ADAMTSL3: variants seen among roughly 807,000 people sequenced by gnomAD.
The protein encoded by ADAMTSL3 is ADAMTS like 3.
In ADAMTSL3, 128 loss-of-function variants were observed where a neutral mutation model predicts 201.7. The ratio of observed to expected loss-of-function variants is 0.63; its 90% CI spans 0.55 to 0.73. The LOEUF (loss-of-function observed/expected upper bound fraction) is 0.73, where lower values mean the gene tolerates loss of function less well. Ranked by LOEUF, ADAMTSL3 falls within the 30% of genes least tolerant of loss-of-function variation. The pLI, the probability that ADAMTSL3 is intolerant of heterozygous loss-of-function variation, is 0.00. For missense variants in ADAMTSL3, 1,990 were observed against 2,119.6 expected, an observed-to-expected ratio of 0.94 and a Z score of 1.20; for synonymous variants, 738 against 748.4, an observed-to-expected ratio of 0.99 and a Z score of 0.23.
At chr15:83,754,568 C>G (rs2062688697) in intron 3 of ADAMTSL3, among the ~76,000 whole-genome samples, 6 of 152,070 alleles carry the variant, frequency 3.9e-5, no homozygotes, top group Admixed American at 3.3e-4. Context: ...TACAAAGCAC[C>G]CTACATCCTA....
intron 14 of ADAMTSL3, 29 bp downstream of exon 14, chr15:83,898,034 A>T: frequency 1.9e-6 from 3 of 1,583,616 alleles, no homozygotes; most frequent in Non-Finnish European, 2.6e-6. Context: ...GTAAATTCAA[A>T]TCAAATGGTA....
chr15:83,971,788 A>G (rs1016949556), intron 20 of ADAMTSL3, among the ~76,000 whole-genome samples: 4 of 150,580 alleles, frequency 2.7e-5, no homozygotes, highest in Non-Finnish European at 5.9e-5. Flanking sequence ...AACATTTATT[A>G]TATCAGTTAC....
chr15:83,835,709 A>T (rs2064256123), intron 6 of ADAMTSL3, among the ~76,000 whole-genome samples: 2 of 152,362 alleles, frequency 1.3e-5, no homozygotes, highest in African/African-American at 4.8e-5. Flanking sequence ...CAAGTTACTC[A>T]TTGATTGAAT....
intron 11 of ADAMTSL3, 70 bp from the exon 12 acceptor site, chr15:83,891,254 AATATT>A (rs929635296): frequency 1.6e-6 from 2 of 1,281,892 alleles, no homozygotes; most frequent in African/African-American, 2.9e-5. Flanking sequence ...TGGGATGTCA[AATATT>A]ATATTCGTCA....
chr15:83,995,849 G>A (rs2067677710), intron 23 of ADAMTSL3, among the ~76,000 whole-genome samples: 1 of 152,274 alleles, frequency 6.6e-6, no homozygotes, highest in South Asian at 2.1e-4. Context: ...CAAGGTGGGT[G>A]AGATTTGCTC....
chr15:83,954,855 C>G (rs1187253661), intron 19 of ADAMTSL3, among the ~76,000 whole-genome samples: 2 of 152,208 alleles, frequency 1.3e-5, no homozygotes, highest in African/African-American at 2.4e-5. Context: ...CTCTGTCTCT[C>G]TCTCTCTCTC....
intron 19 of ADAMTSL3, among the ~76,000 whole-genome samples, chr15:83,956,588 T>A (rs2066866107): frequency 1.3e-5 from 2 of 152,142 alleles, no homozygotes; most frequent in Admixed American, 6.6e-5. Context: ...TACTCTTATA[T>A]TATGACCCAT....
At chr15:83,979,717 C>A (rs1451617996) in intron 20 of ADAMTSL3, among the ~76,000 whole-genome samples, 1 of 152,138 alleles carries the variant, frequency 6.6e-6, no homozygotes, top group African/African-American at 2.4e-5. Flanking sequence ...AGAAAGAAAT[C>A]CTCCCATGAT....
At chr15:83,699,216 A>G (rs28409641) in intron 2 of ADAMTSL3, among the ~76,000 whole-genome samples, 53,701 of 151,938 alleles carry the variant, frequency 0.35, 9,808 homozygotes, top group South Asian at 0.6. Flanking sequence ...ATTGAATGGC[A>G]AACTCAAGCT....
chr15:83,877,178 G>T (rs533281945), intron 9 of ADAMTSL3, among the ~76,000 whole-genome samples: 3 of 152,104 alleles, frequency 2.0e-5, no homozygotes, highest in Admixed American at 2.0e-4. Context: ...GAGCTCAAGC[G>T]ATTCTCCCAC....
chr15:83,836,828 A>C (rs2064278738), intron 6 of ADAMTSL3, among the ~76,000 whole-genome samples: 1 of 152,172 alleles, frequency 6.6e-6, no homozygotes. Context: ...GCAGCTTGAA[A>C]GGGTGGTGAG....
At chr15:83,819,785 A>T in intron 5 of ADAMTSL3, 26 bp from the exon 6 acceptor site, 1 of 1,570,110 alleles carries the variant, frequency 6.4e-7, no homozygotes, top group South Asian at 1.1e-5. Flanking sequence ...GGTGATGTGC[A>T]TGTGGCCTTT....
chr15:83,742,506 A>C (rs994755824), intron 3 of ADAMTSL3, among the ~76,000 whole-genome samples: 29 of 152,336 alleles, frequency 1.9e-4, no homozygotes, highest in African/African-American at 7.0e-4. Context: ...AAGCTTTCAA[A>C]AGGCTAAATT....
intron 3 of ADAMTSL3, among the ~76,000 whole-genome samples, chr15:83,749,551 G>A (rs2062604769): frequency 6.6e-6 from 1 of 152,208 alleles, no homozygotes; most frequent in South Asian, 2.1e-4. Context: ...TGATGTTAGA[G>A]TGTTAGTAGG....
chr15:83,737,777 C>T (rs896531095), intron 3 of ADAMTSL3, among the ~76,000 whole-genome samples: 2 of 152,114 alleles, frequency 1.3e-5, no homozygotes, highest in Non-Finnish European at 2.9e-5. Context: ...TACCCCGATA[C>T]ATCGTGTTAA....
chr15:83,864,298 GAGACACAACCA>G (rs958101207), intron 8 of ADAMTSL3, among the ~76,000 whole-genome samples: 4 of 152,284 alleles, frequency 2.6e-5, no homozygotes, highest in African/African-American at 9.6e-5. Flanking sequence ...AAGCCTGGCA[GAGACACAACCA>G]AAAAAGAGAA....
intron 3 of ADAMTSL3, among the ~76,000 whole-genome samples, chr15:83,756,562 G>A (rs1313621178): frequency 2.0e-5 from 3 of 151,834 alleles, no homozygotes; most frequent in African/African-American, 7.3e-5. Context: ...TTTGAGATTT[G>A]GGTGGGGACA....
intron 23 of ADAMTSL3, among the ~76,000 whole-genome samples, chr15:83,997,354 G>A (rs759442394): frequency 3.9e-5 from 6 of 152,134 alleles, no homozygotes; most frequent in South Asian, 2.1e-4. Context: ...TTGGGAAGTC[G>A]AGGCAGGTGG....
intron 16 of ADAMTSL3, among the ~76,000 whole-genome samples, chr15:83,920,397 C>T (rs1049407909): frequency 6.6e-6 from 1 of 152,206 alleles, no homozygotes; most frequent in Admixed American, 6.5e-5. Context: ...TTCAACAATC[C>T]TTAATCTTTA....
Sources: allele counts gnomAD v4.1 joint callset (sites outside exome capture counted in the v4.1 genomes callset), GRCh38; gene constraint gnomAD v4.1.1; transcripts MANE v1.5; gene names NCBI Gene and HGNC (gene_info 2026-07-23, HGNC 2026-07-21).